The following DNMBP variants were observed in gnomAD, a reference collection of about 807,000 sequenced individuals.
DNMBP encodes dynamin-binding protein.
Under a neutral mutation model 150.0 loss-of-function variants are expected in DNMBP, and 87 were observed. The observed-to-expected ratio is 0.58, with a 90% CI of 0.49 to 0.69. The LOEUF (loss-of-function observed/expected upper bound fraction) is 0.69, where lower values mean the gene tolerates loss of function less well. DNMBP is among the 30% of genes least tolerant of loss of function. The pLI, the probability that DNMBP is intolerant of heterozygous loss-of-function variation, is 0.00. For missense variants in DNMBP, 1,774 were observed against 1,949.0 expected (o/e 0.91, Z 1.69); for synonymous variants, 711 against 750.4 (o/e 0.95, Z 0.86).
intron 1 of DNMBP, among the ~76,000 whole-genome samples, chr10:100,001,706 C>T (rs183378128): frequency 1.9e-3 from 276 of 149,036 alleles, no homozygotes; most frequent in African/African-American, 6.9e-3. Flanking sequence ...AGCCACCGTA[C>T]GTGGCCTGTG....
chr10:99,878,855 G>T, intron 16 of DNMBP, among the ~76,000 whole-genome samples: 1 of 152,116 alleles, frequency 6.6e-6, no homozygotes, highest in Non-Finnish European at 1.5e-5. Flanking sequence ...GCCAGCTGTG[G>T]GTGGCTCACG....
intron 9 of DNMBP, among the ~76,000 whole-genome samples, chr10:99,897,123 A>C (rs185955911): frequency 3.9e-5 from 6 of 152,342 alleles, no homozygotes; most frequent in Non-Finnish European, 7.3e-5. Context: ...TGGAAAGACA[A>C]AAAGGTTACA....
At position 99,930,364 on chromosome 10, in the gene DNMBP, C is replaced by T. The variant is rs115073424; in HGVS notation, c.2261-21218G>A. The T allele has an allele frequency of 2.1e-3, 1,473 of 702,966 alleles. 14 individuals are homozygous for T. In the African/African-American group the frequency reaches 0.023, roughly 11 times the overall value. The allele number at this position is 702,966 out of a possible 1,614,324, so 43.5% of individuals were successfully genotyped here. A position where few individuals can be genotyped will look rare whatever the true frequency, so the allele number is the denominator to read the frequency against. Reference sequence around the variant, plus strand: ...CAGTCTGAGTAGCCATTTGCCTCCCCGTATCCACCAGCTTTCGAGGTCACA... The same window carrying T: ...CAGTCTGAGTAGCCATTTGCCTCCCTGTATCCACCAGCTTTCGAGGTCACA... On this transcript the variant is annotated intron_variant, in intron 4 of 16. Coordinates refer to ENST00000324109, the MANE Select transcript of DNMBP (RefSeq NM_015221.4).
At chr10:99,952,566 G>A (rs1396185723) in intron 4 of DNMBP, among the ~76,000 whole-genome samples, 1 of 152,130 alleles carries the variant, frequency 6.6e-6, no homozygotes, top group Non-Finnish European at 1.5e-5. Flanking sequence ...CAGCGGCCTG[G>A]CTCCCTAGCT....
chr10:99,955,203 T>C lies in DNMBP; in HGVS notation c.2260+11A>G, dbSNP rs370086542. The stretch of plus-strand genomic sequence containing the variant: ...CAAGAAACAATTACATATTATTTCC[T>C]CGTCACTTACCTCTTAGTTGCTGGA... On this transcript the variant is annotated intron_variant, in intron 4 of 16. Coordinates refer to ENST00000324109, the MANE Select transcript of DNMBP (RefSeq NM_015221.4). The C allele has an allele frequency of 8.7e-6, 14 of 1,605,534 alleles. No homozygotes were observed. In the African/African-American group the frequency reaches 1.7e-4, roughly 20 times the overall value.
chr10:99,896,239 G>A (rs201700526), intron 10 of DNMBP, 28 bp downstream of exon 10: 29 of 1,611,890 alleles, frequency 1.8e-5, no homozygotes, highest in Middle Eastern at 1.6e-4. Flanking sequence ...TCAAAGATGC[G>A]CTAAGCCTTC....
intron 12 of DNMBP, among the ~76,000 whole-genome samples, chr10:99,888,053 C>T (rs945137184): frequency 2.0e-5 from 3 of 152,076 alleles, no homozygotes; most frequent in Non-Finnish European, 2.9e-5. Context: ...CAACTCCCAA[C>T]CTCAGGTGAT....
Position 99,951,273 on chromosome 10 carries a change from T to C in DNMBP, c.2260+3941A>G, listed in dbSNP as rs541209051. Among the ~76,000 whole-genome samples, 18 of 152,336 alleles carry C rather than the reference T, an allele frequency of 1.2e-4. No individual in the cohort carries two copies. In the South Asian group the frequency reaches 3.7e-3, roughly 32 times the overall value. On this transcript the variant is annotated intron_variant, in intron 4 of 16. Transcript: ENST00000324109. ...CCTGGATGTCCAGGCAGAAGTTTGC[T>C]GCAGGTGCAGGGCTCTCATGGAGAA...
chr10:99,936,672 G>A (rs969888337), intron 4 of DNMBP, among the ~76,000 whole-genome samples: 1 of 151,790 alleles, frequency 6.6e-6, no homozygotes. Context: ...GCTATTACGT[G>A]CCTTTTGGAT....
chr10:99,953,528 A>G (rs1055537019), intron 4 of DNMBP, among the ~76,000 whole-genome samples: 10 of 152,050 alleles, frequency 6.6e-5, no homozygotes, highest in African/African-American at 4.8e-5. Flanking sequence ...GTTAGCTATT[A>G]CTATTATTAA....
chr10:99,931,404 CA>C (rs2133287331), intron 4 of DNMBP, among the ~76,000 whole-genome samples: 1 of 152,298 alleles, frequency 6.6e-6, no homozygotes, highest in African/African-American at 2.4e-5. Context: ...ACTCCAATCG[CA>C]AGCTGCTGAA....
chr10:99,964,314 G>A (rs1478380500), intron 3 of DNMBP, among the ~76,000 whole-genome samples: 3 of 151,008 alleles, frequency 2.0e-5, no homozygotes, highest in Non-Finnish European at 4.4e-5. Flanking sequence ...GGTAGTGATG[G>A]GGTTTCACCA....
chr10:99,963,820 C>T (rs947593902), intron 3 of DNMBP, among the ~76,000 whole-genome samples: 106 of 150,978 alleles, frequency 7.0e-4, no homozygotes, highest in Middle Eastern at 3.4e-3. Flanking sequence ...TCTCTAAATG[C>T]CAGGGGAACT....
chr10:99,933,266 A>AG, intron 4 of DNMBP, among the ~76,000 whole-genome samples: 1 of 151,560 alleles, frequency 6.6e-6, no homozygotes, highest in East Asian at 1.9e-4. Flanking sequence ...ACTGCCCTCC[A>AG]GCCTGGGTAA....
At chr10:99,934,283 T>A (rs574489353) in intron 4 of DNMBP, among the ~76,000 whole-genome samples, 3 of 151,862 alleles carry the variant, frequency 2.0e-5, no homozygotes, top group Non-Finnish European at 4.4e-5. Context: ...ACAGCCAAGA[T>A]GAATGTGAGC....
In DNMBP at chr10:99,880,560, C is replaced by T. The variant is rs965300938; in HGVS notation, c.3998-199G>A. Among the ~76,000 whole-genome samples the T allele has an allele frequency of 2.6e-5, 4 of 152,162 alleles. No homozygotes were observed. The South Asian group carries it at 8.3e-4, about 32-fold the overall frequency. Reference sequence around the variant, plus strand: ...CAAAGCGGCTTGGAACACTCAGTCCCAGGATGTGATGTGTGTAGGTAGAGA... The same window carrying T: ...CAAAGCGGCTTGGAACACTCAGTCCTAGGATGTGATGTGTGTAGGTAGAGA... On this transcript the variant is annotated intron_variant, in intron 15 of 16. Transcript: ENST00000324109.
At chr10:99,940,496 C>T (rs563319516) in intron 4 of DNMBP, among the ~76,000 whole-genome samples, 8 of 152,238 alleles carry the variant, frequency 5.3e-5, no homozygotes, top group African/African-American at 1.9e-4. Context: ...CCCTCCTGAC[C>T]ACTCACTATC....
rs2080013159 is a variant in DNMBP, at chr10:99,971,844, C to A, written c.145+136G>T. ...TGCCCAGCTAGGAATAATTTTCTTT[C>A]TTTCTTTCTTTCTTTCTTTTTTTTT... On this transcript the variant is annotated intron_variant, in intron 2 of 16. Coordinates refer to ENST00000324109, the MANE Select transcript of DNMBP (RefSeq NM_015221.4). The A allele has an allele frequency of 4.4e-6, 4 of 908,490 alleles. No homozygotes were observed. The Admixed American group carries it at 7.6e-5, about 17-fold the overall frequency. 56.3% of individuals were successfully genotyped at this position (908,490 alleles called of 1,614,324 possible).
intron 1 of DNMBP, among the ~76,000 whole-genome samples, chr10:99,995,015 C>T (rs1172587505): frequency 1.3e-5 from 2 of 151,668 alleles, no homozygotes; most frequent in African/African-American, 4.8e-5. Flanking sequence ...TTCAGCCTCC[C>T]AAGCAGCTGG....
Sources: gnomAD v4.1 joint callset for allele counts (sites outside exome capture counted in the v4.1 genomes callset) on GRCh38, gnomAD v4.1.1 for gene constraint, MANE v1.5 for transcripts, NCBI Gene and HGNC (gene_info 2026-07-23, HGNC 2026-07-21) for gene names.